UGDH: variants seen among roughly 807,000 people sequenced by gnomAD.
UGDH encodes the protein UDP-Glc dehydrogenase.
UGDH carries 38 observed loss-of-function variants against 50.6 expected under a neutral mutation model. The observed-to-expected ratio is 0.75, with a 90% CI of 0.58 to 0.98. The LOEUF is 0.98. UGDH is among the 50% of genes least tolerant of loss of function. UGDH has a pLI of 0.00. For missense variants in UGDH, 465 were observed against 606.2 expected, an observed-to-expected ratio of 0.77 and a Z score of 2.45; for synonymous variants, 168 against 199.9, an observed-to-expected ratio of 0.84 and a Z score of 1.35.
At chr4:39,521,946 C>G (rs1746679375) in intron 1 of UGDH, among the ~76,000 whole-genome samples, 1 of 152,176 alleles carries the variant, frequency 6.6e-6, no homozygotes, top group Non-Finnish European at 1.5e-5. Flanking sequence ...GAGTTTATAA[C>G]AGGTTTAGAT....
chr4:39,524,126 G>C (rs866143347), intron 1 of UGDH, among the ~76,000 whole-genome samples: 19 of 152,146 alleles, frequency 1.2e-4, no homozygotes, highest in Middle Eastern at 3.4e-3. Context: ...AAGTAATGTT[G>C]GACCAGAGGA....
In UGDH at chr4:39,505,700, T is replaced by C. The variant is rs2109921473; in HGVS notation, c.955A>G (p.Ile319Val). 1 of 1,611,060 alleles carries C rather than the reference T, an allele frequency of 6.2e-7. No individual in the cohort carries two copies. The highest frequency in any genetic ancestry group is 8.5e-7 in the Non-Finnish European group (1 of 1,178,272). The change falls in exon 8 of 12, where the codon ATA becomes GTA. Residue 319 changes from isoleucine (I) to valine (V), a missense_variant. Coordinates refer to ENST00000316423, the MANE Select transcript of UGDH (RefSeq NM_003359.4). ...GTTACTGTATTAAACAGACTATCTATGATCCGGGAAGCAAACCTCCTCCTC... is the reference window on the plus strand; with the variant it reads ...GTTACTGTATTAAACAGACTATCTACGATCCGGGAAGCAAACCTCCTCCTC... ...YQRRRFASRI[I>V]DSLFNTVTDK...
At chr4:39,505,790 G>C (rs1424553937) in intron 7 of UGDH, 42 bp from the exon 8 acceptor site, 1 of 1,570,356 alleles carries the variant, frequency 6.4e-7, no homozygotes, top group Non-Finnish European at 8.6e-7. Flanking sequence ...AGTTAAAAGA[G>C]GCACAGCCTA....
chr4:39,511,097 G>A (rs7689564), intron 3 of UGDH, among the ~76,000 whole-genome samples: 32,075 of 151,884 alleles, frequency 0.21, 5,203 homozygotes, highest in African/African-American at 0.44. Flanking sequence ...TCTATATGCC[G>A]GATAACTAGG....
chr4:39,510,518 T>C lies in UGDH; in HGVS notation c.498A>G (p.Gly166=), dbSNP rs3186529. The C allele has an allele frequency of 1.1e-5, 17 of 1,614,028 alleles. No homozygotes were observed. Among genetic ancestry groups the C allele is most frequent in the South Asian group, 2.2e-5 (2 of 91,090 alleles). Reference sequence around the variant, plus strand: ...GGTTCTTTAGGTCCTTGATGGCTGTTCCCTCTGCCAGAAACTCAGGGTTGG... The same window carrying C: ...GGTTCTTTAGGTCCTTGATGGCTGTCCCCTCTGCCAGAAACTCAGGGTTGG... ...VLSNPEFLAE[G]TAIKDLKNPD... The change falls in exon 5 of 12, where the codon GGA becomes GGG. Residue 166 remains glycine, a synonymous_variant. Transcript: ENST00000316423.
chr4:39,510,902 G>A, intron 3 of UGDH, 41 bp from the exon 4 acceptor site: 2 of 1,604,482 alleles, frequency 1.2e-6, no homozygotes, highest in Non-Finnish European at 1.7e-6. Flanking sequence ...GTGCCTGTGA[G>A]ATAGGGATTT....
At position 39,500,038 on chromosome 4, in the gene UGDH, C is replaced by CA. The variant is rs1291880165; in HGVS notation, c.*104dup. ...GTGAGACTCTGTCTCAAAAAAAAAACAAAAAAAAACACTTGGTTCATTTAC... is the reference window on the plus strand; with the variant it reads ...GTGAGACTCTGTCTCAAAAAAAAAACAAAAAAAAAACACTTGGTTCATTTAC... On this transcript the variant is annotated 3_prime_UTR_variant, in exon 12 of 12. Transcript: ENST00000316423. 2,054 of 578,056 alleles carry CA rather than the reference C, an allele frequency of 3.6e-3. 4 individuals are homozygous for CA. The highest frequency in any genetic ancestry group is 0.018 in the East Asian group (543 of 30,008). 35.8% of individuals were successfully genotyped at this position (578,056 alleles called of 1,614,324 possible). A position where few individuals can be genotyped will look rare whatever the true frequency, so the allele number is the denominator to read the frequency against.
At chr4:39,516,333 A>G (rs533645824) in intron 2 of UGDH, among the ~76,000 whole-genome samples, 1 of 152,322 alleles carries the variant, frequency 6.6e-6, no homozygotes, top group East Asian at 1.9e-4. Context: ...GTATTTATGG[A>G]TGAAATTATA....
intron 2 of UGDH, among the ~76,000 whole-genome samples, chr4:39,520,703 ATTTAT>A (rs1401031784): frequency 6.6e-6 from 1 of 151,676 alleles, no homozygotes; most frequent in East Asian, 1.9e-4. Flanking sequence ...TAAAAGTTGT[ATTTAT>A]TTTATTTTTA....
chr4:39,514,441 C>T (rs991809086), intron 2 of UGDH, among the ~76,000 whole-genome samples: 2 of 152,036 alleles, frequency 1.3e-5, no homozygotes, highest in African/African-American at 4.8e-5. Flanking sequence ...CAGCTCACTG[C>T]AGCCTCCGCC....
chr4:39,521,069 C>CAAA (rs1179305904), intron 2 of UGDH, among the ~76,000 whole-genome samples: 8 of 80,024 alleles, frequency 1.0e-4, no homozygotes, highest in African/African-American at 1.6e-4. Flanking sequence ...GACTCCGTCT[C>CAAA]AAAAAAAAAA....
chr4:39,510,047 G>A, intron 5 of UGDH, 140 bp from the exon 6 acceptor site: 1 of 1,016,134 alleles, frequency 9.8e-7, no homozygotes, highest in Non-Finnish European at 1.4e-6. Flanking sequence ...AGGAGACAAT[G>A]GATGGGTTAG....
intron 6 of UGDH, 29 bp downstream of exon 6, chr4:39,509,731 C>A: frequency 6.3e-7 from 1 of 1,595,072 alleles, no homozygotes; most frequent in Non-Finnish European, 8.5e-7. Context: ...AACACTAGCT[C>A]TTTCTACTAG....
rs1746356435 is a variant in UGDH, at chr4:39,514,172, C to T, written c.175G>A (p.Glu59Lys). ...TLPIYEPGLKEVVESCRGKNL... is the reference protein window; with the variant it reads ...TLPIYEPGLKKVVESCRGKNL... Reference sequence around the variant, plus strand: ...TTTCCTCGACAGGATTCTACCACTTCTTTTAGTCCTGGCTAAAAAGAAAAA... The same window carrying T: ...TTTCCTCGACAGGATTCTACCACTTTTTTTAGTCCTGGCTAAAAAGAAAAA... The change falls in exon 3 of 12, where the codon GAA (glutamate) becomes AAA (lysine). Residue 59 changes from glutamate to lysine, a missense_variant. Transcript: ENST00000316423. 1 of 1,579,678 alleles carries T rather than the reference C, an allele frequency of 6.3e-7. No homozygotes were observed. The highest frequency in any genetic ancestry group is 1.4e-5 in the African/African-American group (1 of 69,550).
chr4:39,505,145 A>G, intron 9 of UGDH, 92 bp downstream of exon 9: 1 of 1,282,268 alleles, frequency 7.8e-7, no homozygotes, highest in Admixed American at 2.6e-5. Flanking sequence ...TACCAATGAT[A>G]TACATGATAA....
In UGDH at chr4:39,501,325, A is replaced by T. The variant is rs1745803092; in HGVS notation, c.1375-1072T>A. Among the ~76,000 whole-genome samples the T allele has an allele frequency of 7.6e-5, 11 of 143,898 alleles. 1 individual carries two copies. In the South Asian group the frequency reaches 2.4e-3, roughly 31 times the overall value. The allele number at this position is 143,898 out of a possible 152,430, so 94.4% of individuals were successfully genotyped here. A position where few individuals can be genotyped will look rare whatever the true frequency, so the allele number is the denominator to read the frequency against. On this transcript the variant is annotated intron_variant, in intron 11 of 11. Transcript: ENST00000316423. ...AGTCTCGCTCTGTTGCCCAGGCTGG[A>T]GTGCAGTGGCGTGATCTCGGCTCAC...
chr4:39,508,529 T>G, intron 7 of UGDH, 37 bp downstream of exon 7: 3 of 1,593,896 alleles, frequency 1.9e-6, no homozygotes. Context: ...CCACTATGCC[T>G]GGCTAAACAG....
chr4:39,508,853 A>G (rs1746125703), intron 6 of UGDH, among the ~76,000 whole-genome samples, 193 bp from the exon 7 acceptor site: 1 of 151,238 alleles, frequency 6.6e-6, no homozygotes, highest in African/African-American at 2.4e-5. Context: ...GTAACTTCCA[A>G]ATAATTTTCT....
chr4:39,505,110 G>C, intron 9 of UGDH, 127 bp downstream of exon 9: 2 of 895,028 alleles, frequency 2.2e-6, no homozygotes, highest in Non-Finnish European at 3.2e-6. Flanking sequence ...TTTAATTTCA[G>C]AGAAATGAGG....
Sources: allele counts gnomAD v4.1 joint callset (sites outside exome capture counted in the v4.1 genomes callset), GRCh38; gene constraint gnomAD v4.1.1; transcripts MANE v1.5; gene names NCBI Gene and HGNC (gene_info 2026-07-23, HGNC 2026-07-21).